The following EYA2 variants were observed in gnomAD, a reference collection of about 807,000 sequenced individuals.
EYA2 encodes protein phosphatase EYA2.
A neutral mutation model predicts 69.2 loss-of-function variants in EYA2; 31 were observed. The ratio of observed to expected loss-of-function variants is 0.45; its 90% CI spans 0.34 to 0.60. EYA2 has a LOEUF of 0.60. Among genes scored for constraint, EYA2 ranks in the 20% least tolerant of loss-of-function variants. The pLI is 0.02. For synonymous variants in EYA2, 257 were observed against 279.4 expected, an observed-to-expected ratio of 0.92 and a Z score of 0.80; for missense variants, 622 against 701.2, an observed-to-expected ratio of 0.89 and a Z score of 1.28.
chr20:47,116,754 A>G (rs1356052058), intron 9 of EYA2, among the ~76,000 whole-genome samples: 1 of 151,908 alleles, frequency 6.6e-6, no homozygotes, highest in Non-Finnish European at 1.5e-5. Flanking sequence ...TCCCAGAAAA[A>G]CCACCTGCAT....
chr20:47,182,874 T>C (rs1600779684), intron 14 of EYA2, among the ~76,000 whole-genome samples: 1 of 151,400 alleles, frequency 6.6e-6, no homozygotes, highest in African/African-American at 2.4e-5. Flanking sequence ...AAAGTGGAGG[T>C]TTCAGTGAGC....
At chr20:46,976,382 G>A (rs1406976745) in intron 1 of EYA2, among the ~76,000 whole-genome samples, 2 of 144,082 alleles carry the variant, frequency 1.4e-5, no homozygotes, top group Non-Finnish European at 3.0e-5. Flanking sequence ...TCCTAAGAGA[G>A]TTTTTGGGTT....
intron 5 of EYA2, among the ~76,000 whole-genome samples, chr20:47,033,296 G>C (rs1360546122): frequency 6.6e-6 from 1 of 152,172 alleles, no homozygotes; most frequent in Admixed American, 6.5e-5. Flanking sequence ...TCTAGGTCAG[G>C]GGTCAGTCCA....
intron 1 of EYA2, among the ~76,000 whole-genome samples, chr20:46,916,147 A>C (rs1218308097): frequency 6.6e-6 from 1 of 152,172 alleles, no homozygotes; most frequent in Non-Finnish European, 1.5e-5. Context: ...CTTCTCTGCC[A>C]GTGTTACACT....
At chr20:47,019,892 G>T (rs1003810707) in intron 5 of EYA2, among the ~76,000 whole-genome samples, 1 of 151,056 alleles carries the variant, frequency 6.6e-6, no homozygotes, top group Non-Finnish European at 1.5e-5. Flanking sequence ...TCACTTTTCA[G>T]CCTGGGAGGT....
At chr20:47,157,216 A>G (rs918900802) in intron 10 of EYA2, among the ~76,000 whole-genome samples, 4 of 151,674 alleles carry the variant, frequency 2.6e-5, no homozygotes, top group African/African-American at 9.7e-5. Flanking sequence ...TTAGCCAGGC[A>G]TAGTGGTGCA....
At chr20:47,180,047 T>G (rs1215217445) in intron 13 of EYA2, 135 bp downstream of exon 13, 3 of 643,538 alleles carry the variant, frequency 4.7e-6, no homozygotes, top group Non-Finnish European at 8.0e-6. Flanking sequence ...TATTTTTTTT[T>G]TTTGATATGG....
In EYA2 at chr20:47,183,339, C is replaced by G; in HGVS notation, c.1484C>G (p.Ala495Gly). Residue 495 changes from alanine to glycine, a missense_variant, in exon 15 of 16, where the codon GCT becomes GGT. Coordinates refer to ENST00000327619, the MANE Select transcript of EYA2 (RefSeq NM_005244.5). Reference protein sequence around the residue: ...ERIMQRFGRKAVYVVIGDGVE... With the variant: ...ERIMQRFGRKGVYVVIGDGVE... ...ATAATGCAGAGATTCGGCAGAAAAG[C>G]TGTCTACGTGGTGATCGGTGATGGT... The G allele has an allele frequency of 6.2e-7, 1 of 1,614,124 alleles. No individual in the cohort carries two copies. Among genetic ancestry groups the G allele is most frequent in the Non-Finnish European group, 8.5e-7 (1 of 1,180,022 alleles).
intron 1 of EYA2, among the ~76,000 whole-genome samples, chr20:46,965,089 A>G (rs760114776): frequency 6.6e-5 from 10 of 152,262 alleles, no homozygotes; most frequent in Middle Eastern, 3.4e-3. Context: ...CGCCTCTGAC[A>G]CTTAACTGCC....
intron 9 of EYA2, among the ~76,000 whole-genome samples, chr20:47,128,705 G>C (rs1024122731): frequency 6.6e-6 from 1 of 152,148 alleles, no homozygotes; most frequent in Non-Finnish European, 1.5e-5. Context: ...TATTGGCAGC[G>C]TGACCTTGGA....
At chr20:47,098,254 G>T (rs890344236) in intron 9 of EYA2, among the ~76,000 whole-genome samples, 6 of 152,178 alleles carry the variant, frequency 3.9e-5, no homozygotes, top group Non-Finnish European at 8.8e-5. Flanking sequence ...CACAGCTTAG[G>T]TAAAAGATGG....
At chr20:46,924,506 T>C (rs1340554151) in intron 1 of EYA2, among the ~76,000 whole-genome samples, 2 of 151,924 alleles carry the variant, frequency 1.3e-5, no homozygotes, top group Non-Finnish European at 2.9e-5. Context: ...CCATCTGTAC[T>C]AAAAATACAA....
chr20:47,187,361 G>GA (rs200497434), intron 15 of EYA2, among the ~76,000 whole-genome samples: 4,138 of 147,218 alleles, frequency 0.028, 185 homozygotes, highest in African/African-American at 0.095. Flanking sequence ...AAGAAAGAAA[G>GA]AAAGAAAAAA....
intron 7 of EYA2, among the ~76,000 whole-genome samples, chr20:47,087,067 G>T (rs745544905): frequency 6.6e-6 from 1 of 152,104 alleles, no homozygotes; most frequent in Non-Finnish European, 1.5e-5. Flanking sequence ...CAATGTTTGG[G>T]AATCTCTCAT....
At chr20:47,175,764 A>G (rs6018320) in intron 12 of EYA2, among the ~76,000 whole-genome samples, 86,579 of 152,038 alleles carry the variant, frequency 0.57, 26,452 homozygotes, top group African/African-American at 0.81. Flanking sequence ...CCCTTTGTCA[A>G]CTGAAAAGTG....
At chr20:46,924,539 G>C (rs1279346405) in intron 1 of EYA2, among the ~76,000 whole-genome samples, 2 of 151,948 alleles carry the variant, frequency 1.3e-5, no homozygotes, top group Non-Finnish European at 2.9e-5. Flanking sequence ...GCGTGGTGGC[G>C]GGCGCCTGTA....
In EYA2 at chr20:47,065,844, G is replaced by A. The variant is rs556974177; in HGVS notation, c.416-6341G>A. ...TGTGCAGAAGCATCACTGCGTCTTT[G>A]TCTGTCTGGAATTATCTCACTTCCT... On this transcript the variant is annotated intron_variant, in intron 5 of 15. Coordinates refer to ENST00000327619, the MANE Select transcript of EYA2 (RefSeq NM_005244.5). Among the ~76,000 whole-genome samples the A allele has an allele frequency of 5.5e-4, 83 of 152,244 alleles. 1 individual carries two copies. Among genetic ancestry groups the A allele is most frequent in the African/African-American group, 1.9e-3 (81 of 41,544 alleles).
intron 15 of EYA2, among the ~76,000 whole-genome samples, chr20:47,184,083 A>C (rs1425097134): frequency 6.6e-6 from 1 of 152,170 alleles, no homozygotes; most frequent in Non-Finnish European, 1.5e-5. Flanking sequence ...GGGTCCTGGG[A>C]GAGGGCCCCG....
intron 10 of EYA2, among the ~76,000 whole-genome samples, chr20:47,165,163 G>A (rs1174675659): frequency 1.3e-5 from 2 of 152,148 alleles, no homozygotes; most frequent in Admixed American, 6.6e-5. Flanking sequence ...GCAACTAATT[G>A]CTACCATATT....
Sources: allele counts gnomAD v4.1 joint callset (sites outside exome capture counted in the v4.1 genomes callset), GRCh38; gene constraint gnomAD v4.1.1; transcripts MANE v1.5; gene names NCBI Gene and HGNC (gene_info 2026-07-23, HGNC 2026-07-21).